PLAA: variants seen among roughly 807,000 people sequenced by gnomAD.
PLAA encodes the protein phospholipase A2 activating protein.
In PLAA, 48 loss-of-function variants were observed where a neutral mutation model predicts 84.1. The observed-to-expected ratio is 0.57, with a 90% CI of 0.45 to 0.73. The LOEUF is 0.73. Among genes scored for constraint, PLAA ranks in the 30% least tolerant of loss-of-function variants. PLAA has a pLI of 0.00. For synonymous variants in PLAA, 392 were observed against 336.6 expected, an observed-to-expected ratio of 1.16 and a Z score of -1.80; for missense variants, 903 against 954.7, an observed-to-expected ratio of 0.95 and a Z score of 0.71.
chr9:26,906,496 C>T (rs985130521), intron 13 of PLAA, among the ~76,000 whole-genome samples: 4 of 142,262 alleles, frequency 2.8e-5, no homozygotes, highest in Admixed American at 1.5e-4. Context: ...GGCATGATCT[C>T]GGCTCACTGC....
At chr9:26,930,271 A>AT (rs1254649396) in intron 2 of PLAA, among the ~76,000 whole-genome samples, 3 of 151,580 alleles carry the variant, frequency 2.0e-5, no homozygotes, top group Non-Finnish European at 4.4e-5. Flanking sequence ...CGCCCAGCTA[A>AT]TTTTTTTGTA....
chr9:26,933,745 C>T (rs561739588), intron 2 of PLAA, among the ~76,000 whole-genome samples: 9 of 147,558 alleles, frequency 6.1e-5, no homozygotes, highest in South Asian at 2.1e-4. Flanking sequence ...GCCGAGATCA[C>T]GCCACTGCAT....
At chr9:26,920,146 T>G in intron 8 of PLAA, 81 bp downstream of exon 8, 2 of 1,154,858 alleles carry the variant, frequency 1.7e-6, no homozygotes, top group Non-Finnish European at 2.5e-6. Context: ...CAAAGGAAAT[T>G]TTATCACTAT....
rs1824694199 is a variant in PLAA, at chr9:26,919,711, G to A, written c.1198-182C>T. On this transcript the variant is annotated intron_variant, in intron 8 of 13. Coordinates refer to ENST00000397292, the MANE Select transcript of PLAA (RefSeq NM_001031689.3). ...TTAACAGCCCCCATCTGCATGTGATGCAAAATTAGTATTTCATTAGGGGAT... is the reference window on the plus strand; with the variant it reads ...TTAACAGCCCCCATCTGCATGTGATACAAAATTAGTATTTCATTAGGGGAT... 3.3e-5 allele frequency among the ~76,000 whole-genome samples: 5 copies of A among 152,144 alleles called. 1 individual carries two copies. The South Asian group carries it at 1.0e-3, about 32-fold the overall frequency.
Position 26,905,657 on chromosome 9 carries a change from C to T in PLAA, c.2242G>A (p.Ala748Thr). ...DLEATFRLLV[A>T]LGTLISDDSN... is the part of the protein sequence containing the mutation. Reference sequence around the variant, plus strand: ...TCATCACTGATAAGTGTTCCAAGAGCCACAAGAAGTCTAAAAGTGGCTTCT... The same window carrying T: ...TCATCACTGATAAGTGTTCCAAGAGTCACAAGAAGTCTAAAAGTGGCTTCT... The change falls in exon 14 of 14, where the codon GCT becomes ACT. Residue 748 changes from alanine to threonine, a missense_variant. Transcript: ENST00000397292. 2 of 1,614,152 alleles carry T rather than the reference C, an allele frequency of 1.2e-6. No individual in the cohort carries two copies. The highest frequency in any genetic ancestry group is 1.7e-6 in the Non-Finnish European group (2 of 1,180,016).
At chr9:26,929,492 A>T (rs1428910744) in intron 2 of PLAA, among the ~76,000 whole-genome samples, 1 of 152,222 alleles carries the variant, frequency 6.6e-6, no homozygotes, top group African/African-American at 2.4e-5. Context: ...AAAGAAAAAA[A>T]AAGAAAAATT....
At chr9:26,916,785 C>A (rs1040244311) in intron 10 of PLAA, 9 of 601,264 alleles carry the variant, frequency 1.5e-5, no homozygotes, top group Non-Finnish European at 1.9e-5. Context: ...GTGGTAGAGC[C>A]CAATTTTGAA....
At chr9:26,933,835 G>T (rs1825271547) in intron 2 of PLAA, among the ~76,000 whole-genome samples, 1 of 151,712 alleles carries the variant, frequency 6.6e-6, no homozygotes, top group Non-Finnish European at 1.5e-5. Context: ...TAGAGACAGG[G>T]TCTCACTCTA....
intron 1 of PLAA, 24 bp from the exon 2 acceptor site, chr9:26,935,230 G>C (rs375222017): frequency 5.4e-6 from 8 of 1,468,948 alleles, no homozygotes; most frequent in Non-Finnish European, 7.3e-6. Context: ...ATAATTAATA[G>C]ATACATATTC....
chr9:26,912,723 A>G (rs1039500971), intron 11 of PLAA, among the ~76,000 whole-genome samples: 4 of 152,318 alleles, frequency 2.6e-5, no homozygotes, highest in Non-Finnish European at 5.9e-5. Flanking sequence ...TAGGAAGTAG[A>G]TATGACCTCA....
chr9:26,925,215 A>G (rs548580660), intron 6 of PLAA, among the ~76,000 whole-genome samples: 2 of 152,236 alleles, frequency 1.3e-5, no homozygotes, highest in East Asian at 3.9e-4. Flanking sequence ...GTTAAATCCA[A>G]TCTACATATT....
chr9:26,926,557 T>C lies in PLAA; in HGVS notation c.569A>G (p.His190Arg), dbSNP rs768198247. ...TGCCAAACCTCTTACACAGTCTTCA[T>C]GCCCTGCATTAAAAAACAATAATGC... ...AGRCERTFSG[H>R]EDCVRGLAIL... Residue 190 changes from histidine (H) to arginine (R), a missense_variant, in exon 5 of 14, where the codon CAT (histidine) becomes CGT (arginine). By Grantham distance (29) the His-to-Arg change is conservative. Coordinates refer to ENST00000397292, the MANE Select transcript of PLAA (RefSeq NM_001031689.3). 4 of 1,609,090 alleles carry C rather than the reference T, an allele frequency of 2.5e-6. No individual in the cohort carries two copies. The highest frequency in any genetic ancestry group is 2.5e-6 in the Non-Finnish European group (3 of 1,177,206).
chr9:26,940,178 G>A lies in PLAA; in HGVS notation c.150-4972C>T, dbSNP rs541634084. ...GGATATATTCCCAATGGAAATGAAA[G>A]CAGGATCTTAAAGAGATATGTGTAT... On this transcript the variant is annotated intron_variant, in intron 1 of 13. Coordinates refer to ENST00000397292, the MANE Select transcript of PLAA (RefSeq NM_001031689.3). Among the ~76,000 whole-genome samples, 382 of 152,294 alleles carry A rather than the reference G, an allele frequency of 2.5e-3. 2 individuals carry two copies. Among genetic ancestry groups the A allele is most frequent in the African/African-American group, 8.9e-3 (370 of 41,564 alleles).
At chr9:26,936,686 G>T in intron 1 of PLAA, among the ~76,000 whole-genome samples, 1 of 151,920 alleles carries the variant, frequency 6.6e-6, no homozygotes, top group East Asian at 1.9e-4. Context: ...TGGCAAAAAG[G>T]ATCCTGTCCT....
At position 26,926,444 on chromosome 9, in the gene PLAA, A is replaced by G. The variant is rs1336797898; in HGVS notation, c.682T>C (p.Tyr228His). 30 of 1,610,718 alleles carry G rather than the reference A, an allele frequency of 1.9e-5. No homozygotes were observed. Among genetic ancestry groups the G allele is most frequent in the Non-Finnish European group, 2.5e-5 (29 of 1,177,146 alleles). ...QITGECLEVY[Y>H]GHTNYIYSIS... The stretch of plus-strand genomic sequence containing the variant: ...CTATAAATATAATTTGTATGTCCAT[A>G]ATATACTTCAAGACACTCGCCAGTG... The change falls in exon 5 of 14, where the codon TAT becomes CAT. Residue 228 changes from tyrosine (Y) to histidine (H), a missense_variant. Transcript: ENST00000397292.
chr9:26,937,169 C>T (rs566714827), intron 1 of PLAA, among the ~76,000 whole-genome samples: 57 of 152,082 alleles, frequency 3.7e-4, no homozygotes, highest in Admixed American at 1.0e-3. Flanking sequence ...AGGCTGATGT[C>T]CATTCCCCTA....
Position 26,906,032 on chromosome 9 carries a change from G to A in PLAA, c.1867C>T (p.His623Tyr), listed in dbSNP as rs1195659081. 6.3e-7 allele frequency: 1 copy of A among 1,587,268 alleles called. No homozygotes were observed. The highest frequency in any genetic ancestry group is 8.6e-7 in the Non-Finnish European group (1 of 1,164,778). Residue 623 changes from histidine (H) to tyrosine (Y), a missense_variant, in exon 14 of 14, where the codon CAC (histidine) becomes TAC (tyrosine). His to Tyr is a moderately conservative substitution (Grantham distance 83). Transcript: ENST00000397292. The part of the protein sequence containing the change: ...ALDILRLSIK[H>Y]PSVNENFCNE... ...CAGAAGTTCTCATTCACACTGGGGT[G>A]TTTAATTGACAACCGAAGAATGTCA...
chr9:26,927,383 G>A (rs1420851382), intron 4 of PLAA, among the ~76,000 whole-genome samples: 2 of 151,980 alleles, frequency 1.3e-5, no homozygotes, highest in African/African-American at 2.4e-5. Context: ...TCAGCCTCCC[G>A]AAAGGCTGGG....
rs116722627 is a variant in PLAA, at chr9:26,910,341, A to G, written c.1654T>C (p.Leu552=). 1.4e-5 allele frequency: 23 copies of G among 1,601,772 alleles called. No homozygotes were observed. In the African/African-American group the frequency reaches 1.9e-4, roughly 13 times the overall value. Residue 552 remains leucine (L), a synonymous_variant, in exon 12 of 14, where the codon TTA becomes CTA. Transcript: ENST00000397292. The stretch of plus-strand genomic sequence containing the variant: ...TAAATTAATTAAAGAAACTTACCTA[A>G]TATTTGTGTAGGGTTTGCTTGGTCA... ...TFDQANPTQI[L]GKLKELNGTA...
Sources: allele counts gnomAD v4.1 joint callset (sites outside exome capture counted in the v4.1 genomes callset), GRCh38; gene constraint gnomAD v4.1.1; transcripts MANE v1.5; gene names NCBI Gene and HGNC (gene_info 2026-07-23, HGNC 2026-07-21).